Variants in RIMKLB observed in about 807,000 individuals in gnomAD.
RIMKLB encodes the protein beta-citrylglutamate synthase B.
RIMKLB carries 7 observed loss-of-function variants against 32.0 expected under a neutral mutation model. The observed-to-expected ratio is 0.22, with a 90% CI of 0.12 to 0.41. The LOEUF (loss-of-function observed/expected upper bound fraction) is 0.41, where lower values mean the gene tolerates loss of function less well. Ranked by LOEUF, RIMKLB falls within the 10% of genes least tolerant of loss-of-function variation. RIMKLB has a pLI of 1.00. For missense variants in RIMKLB, 289 were observed against 498.7 expected (o/e 0.58, Z 4.00); for synonymous variants, 172 against 185.1 (o/e 0.93, Z 0.57).
chr12:8,675,936 G>A, the RIMKLB span, among the ~76,000 whole-genome samples: 203 of 152,078 alleles, frequency 1.3e-3, 1 homozygote, highest in East Asian at 0.016. Context: ...CCCTGACGTC[G>A]TTAAATTTTC....
At chr12:8,771,232 C>A (rs774837861) in intron 5 of RIMKLB, among the ~76,000 whole-genome samples, 7 of 152,092 alleles carry the variant, frequency 4.6e-5, no homozygotes, top group Non-Finnish European at 7.4e-5. Context: ...CCTGTATGTT[C>A]AGATTCTTCT....
At chr12:8,750,219 A>G in intron 3 of RIMKLB, 127 bp downstream of exon 3, 1 of 534,590 alleles carries the variant, frequency 1.9e-6, no homozygotes, top group Non-Finnish European at 3.3e-6. Context: ...GGACAGGATA[A>G]TTATAAATTA....
chr12:8,739,684 GGATGATCTTGAACTCCTTGGGCTCAA>G (rs1363950697), intron 2 of RIMKLB, among the ~76,000 whole-genome samples: 1 of 152,104 alleles, frequency 6.6e-6, no homozygotes, highest in Non-Finnish European at 1.5e-5. Flanking sequence ...ATGTTGCTCA[GGATGATCTTGAACTCCTTGGGCTCAA>G]GCGACCCTCC....
At chr12:8,690,909 G>A (rs1351019687) in intron 1 of RIMKLB, among the ~76,000 whole-genome samples, 9 of 152,044 alleles carry the variant, frequency 5.9e-5, no homozygotes, top group Non-Finnish European at 1.3e-4. Context: ...GCGACAGAGC[G>A]AGAGTCCGTC....
At position 8,774,325 on chromosome 12, in the gene RIMKLB, C is replaced by G. The variant is rs761877646; in HGVS notation, c.*541C>G. 1.0e-6 allele frequency: 1 copy of G among 985,482 alleles called. No individual in the cohort carries two copies. Among genetic ancestry groups the G allele is most frequent in the South Asian group, 4.7e-5 (1 of 21,284 alleles). 61.0% of individuals were successfully genotyped at this position (985,482 alleles called of 1,614,324 possible). A position where few individuals can be genotyped will look rare whatever the true frequency, so the allele number is the denominator to read the frequency against. ...TTGAGGGGCTCTTTTACTGGGATTT[C>G]TTATTTTTTTGTTTTTTCCCGCTTA... On this transcript the variant is annotated 3_prime_UTR_variant, in exon 6 of 6. Transcript: ENST00000535829.
upstream of RIMKLB, among the ~76,000 whole-genome samples, chr12:8,694,566 G>A (rs1321470588): frequency 6.6e-6 from 1 of 151,706 alleles, no homozygotes; most frequent in East Asian, 2.0e-4. Flanking sequence ...GCTAATTTTT[G>A]TATTTTTAGT....
intron 2 of RIMKLB, among the ~76,000 whole-genome samples, chr12:8,739,763 A>G (rs1947329699): frequency 6.6e-6 from 1 of 151,952 alleles, no homozygotes; most frequent in Non-Finnish European, 1.5e-5. Flanking sequence ...GTGAGCCACC[A>G]CACTTGGCTT....
intron 5 of RIMKLB, among the ~76,000 whole-genome samples, chr12:8,764,634 T>G (rs1378317671): frequency 1.3e-5 from 2 of 152,092 alleles, no homozygotes; most frequent in Non-Finnish European, 2.9e-5. Context: ...TACCCGGGGC[T>G]CTGTGAGGTC....
At chr12:8,749,641 T>C (rs1305333080) in intron 2 of RIMKLB, among the ~76,000 whole-genome samples, 1 of 152,274 alleles carries the variant, frequency 6.6e-6, no homozygotes, top group Non-Finnish European at 1.5e-5. Context: ...TTCTTTTTAA[T>C]GGCTATGTGG....
At chr12:8,675,360 TTTACA>T in the RIMKLB span, among the ~76,000 whole-genome samples, 1 of 152,190 alleles carries the variant, frequency 6.6e-6, no homozygotes, top group Admixed American at 6.5e-5. Flanking sequence ...CTACTGTTCT[TTTACA>T]TTTCTTTTTT....
chr12:8,719,428 G>A (rs1945214981), intron 2 of RIMKLB, among the ~76,000 whole-genome samples: 1 of 152,124 alleles, frequency 6.6e-6, no homozygotes, highest in Non-Finnish European at 1.5e-5. Context: ...GACTGCAATG[G>A]TGCGATCTCG....
In RIMKLB at chr12:8,733,305, C is replaced by CAA. The variant is rs199919674; in HGVS notation, c.176-16544_176-16543dup. Among the ~76,000 whole-genome samples the CAA allele has an allele frequency of 1.3e-3, 145 of 113,354 alleles. 2 individuals carry two copies. In the East Asian group the frequency reaches 0.02, roughly 16 times the overall value. The allele number at this position is 113,354 out of a possible 152,430, so 74.4% of individuals were successfully genotyped here. On this transcript the variant is annotated intron_variant, in intron 2 of 5. Transcript: ENST00000535829. ...AGAAAACAAATGCTTCTTGTTAAAG[C>CAA]AAAAAAAAAAAAAAGACTCATTTTA...
intron 1 of RIMKLB, among the ~76,000 whole-genome samples, chr12:8,709,772 T>A (rs775317938): frequency 6.6e-6 from 1 of 152,198 alleles, no homozygotes; most frequent in Non-Finnish European, 1.5e-5. Context: ...CATATAACTT[T>A]TATCATAGTA....
At chr12:8,697,636 TG>T, upstream of RIMKLB, 3 of 221,458 alleles carry the variant, frequency 1.4e-5, no homozygotes, top group South Asian at 4.0e-5. Context: ...GAAGACGGTT[TG>T]GGGGCGGGTG....
upstream of RIMKLB, among the ~76,000 whole-genome samples, chr12:8,678,336 CT>C (rs1178690195): frequency 4.4e-4 from 64 of 144,010 alleles, no homozygotes; most frequent in Admixed American, 6.3e-4. Context: ...TTTTTCTTTT[CT>C]TTTTTTTTTT....
At chr12:8,687,871 A>T (rs1358980793) in intron 1 of RIMKLB, among the ~76,000 whole-genome samples, 1 of 151,740 alleles carries the variant, frequency 6.6e-6, no homozygotes, top group Non-Finnish European at 1.5e-5. Flanking sequence ...TTCAAGAAAC[A>T]ATTGCTTTGC....
At chr12:8,706,384 A>T (rs1349590274) in intron 1 of RIMKLB, among the ~76,000 whole-genome samples, 3 of 148,570 alleles carry the variant, frequency 2.0e-5, no homozygotes, top group Non-Finnish European at 4.4e-5. Context: ...AGGTGAGGTG[A>T]TCCACCTGCC....
At chr12:8,746,760 C>CT (rs200870665) in intron 2 of RIMKLB, among the ~76,000 whole-genome samples, 80 of 151,412 alleles carry the variant, frequency 5.3e-4, no homozygotes, top group East Asian at 3.1e-3. Context: ...CTTCAAAAAA[C>CT]TTTTTTTTTC....
In RIMKLB at chr12:8,773,784, A is replaced by C; in HGVS notation, c.1161A>C (p.Ter387CysextTer4). The change falls in exon 6 of 6, where the codon TGA (stop) becomes TGC (cysteine). Residue 387 changes from the stop codon to cysteine, a stop_lost. Coordinates refer to ENST00000535829, the MANE Select transcript of RIMKLB (RefSeq NM_001297776.2). ...LANEIKLLVD[*>C] is the part of the protein sequence containing the mutation. ...ATGAAATCAAACTACTGGTGGACTG[A>C]CTCCACTGGTAATTAACCAACAAAA... is the stretch of plus-strand genomic sequence containing the variant. The C allele has an allele frequency of 1.2e-6, 2 of 1,602,426 alleles. No individual in the cohort carries two copies. Among genetic ancestry groups the C allele is most frequent in the Non-Finnish European group, 1.7e-6 (2 of 1,172,846 alleles).
Sources: gnomAD v4.1 joint callset for allele counts (sites outside exome capture counted in the v4.1 genomes callset) on GRCh38, gnomAD v4.1.1 for gene constraint, MANE v1.5 for transcripts, NCBI Gene and HGNC (gene_info 2026-07-23, HGNC 2026-07-21) for gene names.